TCEA3: variants seen among roughly 807,000 people sequenced by gnomAD.
TCEA3 encodes transcription elongation factor A3.
Under a neutral mutation model 44.0 loss-of-function variants are expected in TCEA3, and 36 were observed. That is an observed-to-expected ratio of 0.82 (90% CI 0.63 to 1.08). The LOEUF (loss-of-function observed/expected upper bound fraction) is 1.08. TCEA3 is among the 50% of genes least tolerant of loss of function. The probability of loss-of-function intolerance (pLI) is 0.00; values close to 1 mark genes in which losing one functional copy is unlikely to be tolerated. For missense variants in TCEA3, 392 were observed against 441.2 expected (o/e 0.89, Z 1.00); for synonymous variants, 162 against 159.7 (o/e 1.01, Z -0.11).
chr1:23,391,148 CT>C (rs59905045), intron 8 of TCEA3, among the ~76,000 whole-genome samples: 7,728 of 126,046 alleles, frequency 0.061, 223 homozygotes, highest in South Asian at 0.2. Flanking sequence ...TTCTTTCTTT[CT>C]TTTTTTTTTT....
chr1:23,409,362 A>AT lies in TCEA3; in HGVS notation c.381-637dup, dbSNP rs1280337648. Among the ~76,000 whole-genome samples the AT allele has an allele frequency of 3.3e-5, 5 of 152,176 alleles. No homozygotes were observed. The East Asian group carries it at 7.7e-4, about 23-fold the overall frequency. ...AGCTAGGGTGATGGGATTAAAGGTG[A>AT]TTTTTTCCCAATTTTTCCAAAATGC... On this transcript the variant is annotated intron_variant, in intron 4 of 10. Transcript: ENST00000450454.
At chr1:23,423,736 G>A in intron 1 of TCEA3, 1 of 455,988 alleles carries the variant, frequency 2.2e-6, no homozygotes, top group Non-Finnish European at 4.4e-6. Flanking sequence ...ATTTGCTCTG[G>A]CCAGGCGACC....
intron 5 of TCEA3, among the ~76,000 whole-genome samples, chr1:23,404,586 C>CA (rs775842719): frequency 3.3e-5 from 5 of 151,854 alleles, no homozygotes; most frequent in Non-Finnish European, 7.4e-5. Context: ...CCTTACAGGT[C>CA]AAAAATGGGT....
intron 5 of TCEA3, chr1:23,403,541 T>C (rs921861548): frequency 6.5e-6 from 1 of 153,940 alleles, no homozygotes; most frequent in South Asian, 2.0e-4. Flanking sequence ...GCTGGGTATT[T>C]CATTACCTCA....
intron 1 of TCEA3, among the ~76,000 whole-genome samples, chr1:23,424,361 C>G (rs79557841): frequency 0.064 from 9,723 of 152,094 alleles, 1,012 homozygotes; most frequent in African/African-American, 0.22. Flanking sequence ...CCCCTGGCGT[C>G]CTGGGCCACG....
At chr1:23,400,856 A>G (rs1570257550) in intron 5 of TCEA3, among the ~76,000 whole-genome samples, 1 of 152,304 alleles carries the variant, frequency 6.6e-6, no homozygotes, top group East Asian at 1.9e-4. Context: ...GTAATTATAC[A>G]GTGCACAGCC....
intron 1 of TCEA3, among the ~76,000 whole-genome samples, chr1:23,419,928 A>T (rs1558076643): frequency 6.6e-6 from 1 of 152,224 alleles, no homozygotes; most frequent in Non-Finnish European, 1.5e-5. Context: ...GATAAGTTTC[A>T]ACATACGTGT....
chr1:23,389,206 G>A (rs1455960602), intron 8 of TCEA3, among the ~76,000 whole-genome samples: 1 of 152,052 alleles, frequency 6.6e-6, no homozygotes, highest in African/African-American at 2.4e-5. Context: ...TATTGGATGT[G>A]GCCAGGTGCA....
rs543128189 is a variant in TCEA3, at chr1:23,394,812, G to A, written c.665-779C>T. Among the ~76,000 whole-genome samples, 105 of 152,354 alleles carry A rather than the reference G, an allele frequency of 6.9e-4. 1 individual carries two copies. In the Middle Eastern group the frequency reaches 0.014, roughly 20 times the overall value. On this transcript the variant is annotated intron_variant, in intron 7 of 10. Coordinates refer to ENST00000450454, the MANE Select transcript of TCEA3 (RefSeq NM_003196.3). ...ATTCCCGGCAGAGACAGGGCTGGAA[G>A]CCAGACCCCTCCTGACGGTAACTCT...
chr1:23,413,302 A>T (rs1052598563), intron 4 of TCEA3, among the ~76,000 whole-genome samples: 5 of 151,334 alleles, frequency 3.3e-5, no homozygotes, highest in African/African-American at 1.2e-4. Flanking sequence ...ACGCCCGGCT[A>T]ATTTTTTTTT....
chr1:23,408,506 T>C, intron 5 of TCEA3, 158 bp downstream of exon 5: 1 of 695,300 alleles, frequency 1.4e-6, no homozygotes. Context: ...GGCTGAAATG[T>C]GGAAAGACTG....
In TCEA3 at chr1:23,393,945, G is replaced by A. The variant is rs371648023; in HGVS notation, c.753C>T (p.Pro251=). ...CACTGAGCACGTTCCGCCGCAGGCC[G>A]GGGTTCCTGGGGTCCTTGAGGTTGC... ...RISNLKDPRN[P]GLRRNVLSGA... The change falls in exon 8 of 11, where the codon CCC becomes CCT. Residue 251 remains proline, a synonymous_variant. Transcript: ENST00000450454. 5.0e-6 allele frequency: 8 copies of A among 1,613,950 alleles called. No homozygotes were observed. In the South Asian group the frequency reaches 7.7e-5, roughly 16 times the overall value.
At chr1:23,410,882 G>A (rs1465428825) in intron 4 of TCEA3, 1 of 157,790 alleles carries the variant, frequency 6.3e-6, no homozygotes, top group Non-Finnish European at 1.4e-5. Flanking sequence ...TAAGGCATGA[G>A]TCCAAAACAG....
intron 8 of TCEA3, 61 bp from the exon 9 acceptor site, chr1:23,387,480 C>T: frequency 3.3e-6 from 5 of 1,500,480 alleles, no homozygotes; most frequent in Admixed American, 4.5e-5. Context: ...GCCCTACACC[C>T]GGTTTCTAGA....
At chr1:23,407,923 T>G (rs1639589338) in intron 5 of TCEA3, among the ~76,000 whole-genome samples, 2 of 152,072 alleles carry the variant, frequency 1.3e-5, no homozygotes, top group South Asian at 2.1e-4. Flanking sequence ...GTATAGGCTT[T>G]CTTTCTTTTT....
intron 3 of TCEA3, 76 bp from the exon 4 acceptor site, chr1:23,417,466 G>C (rs78543575): frequency 0.023 from 34,675 of 1,535,468 alleles, 450 homozygotes; most frequent in Non-Finnish European, 0.026. Flanking sequence ...AGTGGGGAGA[G>C]AGCAAAGGGC....
chr1:23,415,234 G>A (rs1262167130), intron 4 of TCEA3, among the ~76,000 whole-genome samples: 1 of 151,934 alleles, frequency 6.6e-6, no homozygotes, highest in Non-Finnish European at 1.5e-5. Flanking sequence ...TCTTGGCCAG[G>A]CTGGTCTCGA....
chr1:23,408,253 T>C (rs192384973), intron 5 of TCEA3, among the ~76,000 whole-genome samples: 77 of 152,270 alleles, frequency 5.1e-4, no homozygotes, highest in Non-Finnish European at 6.9e-4. Flanking sequence ...TGAGCCACTG[T>C]GCCCAGCCTA....
At chr1:23,392,422 C>CAAA (rs1558030321) in intron 8 of TCEA3, among the ~76,000 whole-genome samples, 826 of 69,718 alleles carry the variant, frequency 0.012, 10 homozygotes, top group Middle Eastern at 0.03. Context: ...GCACAATACA[C>CAAA]ACACACTCCA....
Sources: allele counts gnomAD v4.1 joint callset (sites outside exome capture counted in the v4.1 genomes callset), GRCh38; gene constraint gnomAD v4.1.1; transcripts MANE v1.5; gene names NCBI Gene and HGNC (gene_info 2026-07-23, HGNC 2026-07-21).